The following GPR158 variants were observed in gnomAD, a reference collection of about 807,000 sequenced individuals.
GPR158 encodes metabotropic glycine receptor.
A neutral mutation model predicts 78.2 loss-of-function variants in GPR158; 30 were observed. That is an observed-to-expected ratio of 0.38 (90% CI 0.29 to 0.52). The LOEUF is 0.52. Ranked by LOEUF, GPR158 falls within the 20% of genes least tolerant of loss-of-function variation. GPR158 has a pLI of 0.83. For missense variants in GPR158, 1,463 were observed against 1,523.5 expected (o/e 0.96, Z 0.66); for synonymous variants, 581 against 591.1 (o/e 0.98, Z 0.25).
intron 5 of GPR158, among the ~76,000 whole-genome samples, chr10:25,497,611 T>G (rs1835900197): frequency 1.3e-5 from 2 of 152,158 alleles, no homozygotes; most frequent in Non-Finnish European, 2.9e-5. Context: ...CTATTCTCGG[T>G]ATTTAGTTTG....
In GPR158 at chr10:25,351,771, G is replaced by A. The variant is rs540232190; in HGVS notation, c.1009-44140G>A. On this transcript the variant is annotated intron_variant, in intron 2 of 10. Coordinates refer to ENST00000376351, the MANE Select transcript of GPR158 (RefSeq NM_020752.3). ...ACTTCTATTTGAAGTTCAGGGGTCC[G>A]TGTGCACGATGTGCAGGTTTGTTTC... is the stretch of plus-strand genomic sequence containing the variant. Among the ~76,000 whole-genome samples the A allele has an allele frequency of 1.6e-4, 23 of 148,316 alleles. 1 individual carries two copies. Among genetic ancestry groups the A allele is most frequent in the African/African-American group, 4.3e-4 (17 of 39,924 alleles).
intron 7 of GPR158, among the ~76,000 whole-genome samples, chr10:25,583,003 A>G (rs1262313697): frequency 6.6e-6 from 1 of 152,218 alleles, no homozygotes; most frequent in African/African-American, 2.4e-5. Context: ...TCAGCCAAGA[A>G]TGTAATTTAG....
At chr10:25,532,308 C>CTTT (rs1836434860) in intron 5 of GPR158, among the ~76,000 whole-genome samples, 1 of 152,132 alleles carries the variant, frequency 6.6e-6, no homozygotes, top group African/African-American at 2.4e-5. Flanking sequence ...GGGCCACTCC[C>CTTT]AGGGACAGGG....
intron 10 of GPR158, 147 bp downstream of exon 10, chr10:25,596,936 G>T (rs1400450740): frequency 3.0e-6 from 2 of 665,222 alleles, no homozygotes; most frequent in Non-Finnish European, 5.2e-6. Context: ...GTTTGGGTAT[G>T]AACTGAAGAT....
chr10:25,438,128 TA>T (rs1835023146), intron 4 of GPR158, among the ~76,000 whole-genome samples: 1 of 152,190 alleles, frequency 6.6e-6, no homozygotes, highest in Non-Finnish European at 1.5e-5. Context: ...AAGACAAAAC[TA>T]AAAAATTCTA....
rs139955162 is a variant in GPR158 at position 25,521,816 on chromosome 10, G to A, written c.1405-29160G>A. Reference sequence around the variant, plus strand: ...TCTTGCTGATGGTATGAAAGCAATGGCAGAAAAAAATCCTACAGATATTAG... The same window carrying A: ...TCTTGCTGATGGTATGAAAGCAATGACAGAAAAAAATCCTACAGATATTAG... On this transcript the variant is annotated intron_variant, in intron 5 of 10. Transcript: ENST00000376351. 2.5e-3 allele frequency among the ~76,000 whole-genome samples: 374 copies of A among 152,188 alleles called. 3 individuals carry two copies. The highest frequency in any genetic ancestry group is 2.6e-3 in the Non-Finnish European group (178 of 68,008).
chr10:25,338,325 T>C (rs548837273), intron 2 of GPR158, among the ~76,000 whole-genome samples: 1 of 148,976 alleles, frequency 6.7e-6, no homozygotes, highest in African/African-American at 2.4e-5. Flanking sequence ...TAAATTCTGT[T>C]GATTCCAGTG....
At chr10:25,520,685 C>CG (rs1836250109) in intron 5 of GPR158, among the ~76,000 whole-genome samples, 1 of 152,022 alleles carries the variant, frequency 6.6e-6, no homozygotes, top group Non-Finnish European at 1.5e-5. Context: ...TTAGGCTGCT[C>CG]GGGGGTCAGG....
At chr10:25,320,003 C>G (rs1304133317) in intron 2 of GPR158, among the ~76,000 whole-genome samples, 1 of 152,162 alleles carries the variant, frequency 6.6e-6, no homozygotes, top group African/African-American at 2.4e-5. Context: ...TATTATATCT[C>G]TCCTCGACAT....
chr10:25,485,946 G>C (rs762500098), intron 5 of GPR158, among the ~76,000 whole-genome samples: 4 of 152,128 alleles, frequency 2.6e-5, no homozygotes, highest in Non-Finnish European at 5.9e-5. Flanking sequence ...AATGGGATTA[G>C]TGCCCTTTTA....
chr10:25,517,450 A>C (rs1429897791), intron 5 of GPR158, among the ~76,000 whole-genome samples: 1 of 152,104 alleles, frequency 6.6e-6, no homozygotes, highest in Non-Finnish European at 1.5e-5. Context: ...GTCTTGTGCC[A>C]GTTTTCAAAG....
At chr10:25,203,511 C>A (rs368689203) in intron 1 of GPR158, among the ~76,000 whole-genome samples, 5 of 151,414 alleles carry the variant, frequency 3.3e-5, no homozygotes, top group African/African-American at 7.3e-5. Context: ...TAAATAGGGA[C>A]TCCTTTCCCC....
chr10:25,445,545 G>C (rs16925877), intron 4 of GPR158, among the ~76,000 whole-genome samples: 15,012 of 152,230 alleles, frequency 0.099, 763 homozygotes, highest in Non-Finnish European at 0.12. Flanking sequence ...CTCTCTGGTT[G>C]AATGTGGAAG....
intron 4 of GPR158, among the ~76,000 whole-genome samples, chr10:25,457,245 T>A (rs1231081644): frequency 6.9e-6 from 1 of 145,706 alleles, no homozygotes; most frequent in Non-Finnish European, 1.5e-5. Context: ...TCCACCGGCC[T>A]TGGCCTCCCA....
intron 6 of GPR158, among the ~76,000 whole-genome samples, chr10:25,555,569 T>C (rs1836777954): frequency 6.6e-6 from 1 of 152,128 alleles, no homozygotes; most frequent in African/African-American, 2.4e-5. Context: ...GAAGGCAGTA[T>C]CTCTACGCTC....
intron 3 of GPR158, among the ~76,000 whole-genome samples, chr10:25,411,460 C>A (rs576145819): frequency 6.6e-6 from 1 of 152,104 alleles, no homozygotes; most frequent in African/African-American, 2.4e-5. Context: ...AATTAAGGAG[C>A]AGTCAAAGTC....
chr10:25,421,003 G>A (rs1306683082), intron 4 of GPR158, among the ~76,000 whole-genome samples: 1 of 152,090 alleles, frequency 6.6e-6, no homozygotes, highest in East Asian at 1.9e-4. Context: ...CAAAACTATT[G>A]CTGGGATTTT....
chr10:25,392,293 C>T (rs1834309892), intron 2 of GPR158, among the ~76,000 whole-genome samples: 1 of 152,196 alleles, frequency 6.6e-6, no homozygotes, highest in African/African-American at 2.4e-5. Context: ...CCTTGCTGCA[C>T]ACAGTGTGTG....
chr10:25,309,556 GTTTTTCTAT>G (rs1588790652), intron 2 of GPR158, among the ~76,000 whole-genome samples: 1 of 151,962 alleles, frequency 6.6e-6, no homozygotes, highest in Non-Finnish European at 1.5e-5. Context: ...ATAAAGTTCA[GTTTTTCTAT>G]TTTTTCTATT....
Sources: gnomAD v4.1 joint callset for allele counts (sites outside exome capture counted in the v4.1 genomes callset) on GRCh38, gnomAD v4.1.1 for gene constraint, MANE v1.5 for transcripts, NCBI Gene and HGNC (gene_info 2026-07-23, HGNC 2026-07-21) for gene names.